CPNE8: variants seen among roughly 807,000 people sequenced by gnomAD.
CPNE8 encodes copine 8.
A neutral mutation model predicts 81.5 loss-of-function variants in CPNE8; 45 were observed. The observed-to-expected ratio is 0.55, with a 90% confidence interval of 0.44 to 0.71. The LOEUF (loss-of-function observed/expected upper bound fraction) is 0.71, where lower values mean the gene tolerates loss of function less well. Ranked by LOEUF, CPNE8 falls within the 30% of genes least tolerant of loss-of-function variation. CPNE8 has a pLI of 0.00. For missense variants in CPNE8, 594 were observed against 672.1 expected, an observed-to-expected ratio of 0.88 and a Z score of 1.28; for synonymous variants, 252 against 226.3, an observed-to-expected ratio of 1.11 and a Z score of -1.02.
Position 38,685,634 on chromosome 12 carries a change from G to T in CPNE8, c.1144-17C>A. 6.2e-7 allele frequency: 1 copy of T among 1,603,992 alleles called. No homozygotes were observed. The highest frequency in any genetic ancestry group is 8.5e-7 in the Non-Finnish European group (1 of 1,176,128). On this transcript the variant is annotated splice_polypyrimidine_tract_variant and intron_variant, in intron 15 of 19. Coordinates refer to ENST00000331366, the MANE Select transcript of CPNE8 (RefSeq NM_153634.3). ...ATTCCCATTCTGTAGAAATTTATAG[G>T]CAAAACAAAACAAAACAACAGTAAA...
At chr12:38,803,445 C>G (rs1414627324) in intron 6 of CPNE8, among the ~76,000 whole-genome samples, 1 of 150,474 alleles carries the variant, frequency 6.6e-6, no homozygotes, top group Non-Finnish European at 1.5e-5. Context: ...AAGCCTTTGA[C>G]AAAATTCAAC....
intron 16 of CPNE8, among the ~76,000 whole-genome samples, chr12:38,681,082 C>G (rs370719978): frequency 2.0e-5 from 3 of 151,772 alleles, no homozygotes. Flanking sequence ...TCATAATAGT[C>G]TGAAAAGATA....
chr12:38,683,832 C>G (rs1939466384), intron 16 of CPNE8, among the ~76,000 whole-genome samples: 1 of 152,016 alleles, frequency 6.6e-6, no homozygotes, highest in South Asian at 2.1e-4. Context: ...AAAGCTTTCA[C>G]TAGCAGGTGC....
intron 8 of CPNE8, among the ~76,000 whole-genome samples, 168 bp downstream of exon 8, chr12:38,767,467 A>T (rs1230462226): frequency 6.6e-6 from 1 of 152,108 alleles, no homozygotes. Flanking sequence ...AAAACATAAA[A>T]TGTTTATAAA....
intron 7 of CPNE8, among the ~76,000 whole-genome samples, chr12:38,771,230 G>A (rs1444089690): frequency 6.6e-6 from 1 of 151,964 alleles, no homozygotes; most frequent in African/African-American, 2.4e-5. Context: ...AGGGCAAGGG[G>A]GGCTTGGATC....
chr12:38,653,670 C>A lies in CPNE8; in HGVS notation c.*212G>T. On this transcript the variant is annotated 3_prime_UTR_variant, in exon 20 of 20. Transcript: ENST00000331366. Reference sequence around the variant, plus strand: ...GAAGACATCCATACTTTGCTTCAAGCATTTAAACAATTTTTTCTGTTGCTC... The same window carrying A: ...GAAGACATCCATACTTTGCTTCAAGAATTTAAACAATTTTTTCTGTTGCTC... The A allele has an allele frequency of 2.4e-6, 1 of 415,642 alleles. No individual in the cohort carries two copies. Among genetic ancestry groups the A allele is most frequent in the Admixed American group, 5.0e-5 (1 of 20,152 alleles). The allele number at this position is 415,642 out of a possible 1,614,324, so 25.7% of individuals were successfully genotyped here. A position where few individuals can be genotyped will look rare whatever the true frequency, so the allele number is the denominator to read the frequency against.
At chr12:38,712,131 C>A (rs1408592251) in intron 13 of CPNE8, among the ~76,000 whole-genome samples, 1 of 151,246 alleles carries the variant, frequency 6.6e-6, no homozygotes, top group Non-Finnish European at 1.5e-5. Flanking sequence ...AAAAAAAAAA[C>A]TTTATAGTGT....
chr12:38,859,447 G>C (rs1353467252), intron 3 of CPNE8, among the ~76,000 whole-genome samples: 1 of 151,952 alleles, frequency 6.6e-6, no homozygotes, highest in East Asian at 1.9e-4. Flanking sequence ...CAAAAAAATG[G>C]AAAAACCTCC....
intron 6 of CPNE8, among the ~76,000 whole-genome samples, chr12:38,819,997 A>G (rs189469962): frequency 6.6e-6 from 1 of 152,264 alleles, no homozygotes; most frequent in East Asian, 1.9e-4. Flanking sequence ...ACAAGAGGAA[A>G]AAAAAGAAGA....
intron 2 of CPNE8, among the ~76,000 whole-genome samples, chr12:38,873,671 A>G (rs1486689489): frequency 1.3e-5 from 2 of 152,202 alleles, no homozygotes; most frequent in Admixed American, 6.5e-5. Context: ...AAGAATTCTG[A>G]CAACTGACAA....
At chr12:38,696,821 G>T (rs1441093472) in intron 14 of CPNE8, among the ~76,000 whole-genome samples, 1 of 152,152 alleles carries the variant, frequency 6.6e-6, no homozygotes, top group African/African-American at 2.4e-5. Context: ...AAGGTGGGTG[G>T]ATCGCTTTGA....
At chr12:38,719,319 T>A (rs1940491162) in intron 13 of CPNE8, among the ~76,000 whole-genome samples, 1 of 152,002 alleles carries the variant, frequency 6.6e-6, no homozygotes, top group African/African-American at 2.4e-5. Context: ...TTGTGCCCAA[T>A]TTGGCTGGGT....
chr12:38,901,838 A>C (rs1168213272), intron 1 of CPNE8, among the ~76,000 whole-genome samples: 1 of 152,028 alleles, frequency 6.6e-6, no homozygotes, highest in Non-Finnish European at 1.5e-5. Context: ...CCTATTCCAC[A>C]ATGATCCTTT....
At chr12:38,897,735 A>G (rs1944408414) in intron 1 of CPNE8, among the ~76,000 whole-genome samples, 1 of 151,874 alleles carries the variant, frequency 6.6e-6, no homozygotes, top group Non-Finnish European at 1.5e-5. Context: ...TGAGACAAAA[A>G]TGAACTCATT....
intron 1 of CPNE8, among the ~76,000 whole-genome samples, chr12:38,896,972 C>G (rs73086073): frequency 0.031 from 4,777 of 152,148 alleles, 238 homozygotes; most frequent in African/African-American, 0.1. Flanking sequence ...GGGCATTGTA[C>G]AGACTTTATT....
intron 19 of CPNE8, among the ~76,000 whole-genome samples, chr12:38,664,577 T>C (rs1939026852): frequency 6.6e-6 from 1 of 152,136 alleles, no homozygotes; most frequent in African/African-American, 2.4e-5. Context: ...TAAAACACTG[T>C]TGTTTCACCT....
intron 18 of CPNE8, among the ~76,000 whole-genome samples, chr12:38,672,952 T>C (rs2136645546): frequency 6.6e-6 from 1 of 152,246 alleles, no homozygotes; most frequent in African/African-American, 2.4e-5. Flanking sequence ...ATCTGTGATA[T>C]GGTTTGGCTC....
chr12:38,835,110 C>T (rs1943358787), intron 5 of CPNE8, among the ~76,000 whole-genome samples: 1 of 152,118 alleles, frequency 6.6e-6, no homozygotes, highest in African/African-American at 2.4e-5. Flanking sequence ...TGGTCTCAAT[C>T]TCCTGACCTC....
chr12:38,808,745 A>C (rs1942874218), intron 6 of CPNE8, among the ~76,000 whole-genome samples: 1 of 151,462 alleles, frequency 6.6e-6, no homozygotes, highest in Non-Finnish European at 1.5e-5. Flanking sequence ...CTAAAACTTA[A>C]AGTATAATAA....
Sources: gnomAD v4.1 joint callset for allele counts (sites outside exome capture counted in the v4.1 genomes callset) on GRCh38, gnomAD v4.1.1 for gene constraint, MANE v1.5 for transcripts, NCBI Gene and HGNC (gene_info 2026-07-23, HGNC 2026-07-21) for gene names.